The following ECT2L variants were observed in gnomAD, a reference collection of about 807,000 sequenced individuals.
The protein encoded by ECT2L is epithelial cell-transforming sequence 2 oncogene-like.
In ECT2L, 126 loss-of-function variants were observed where a neutral mutation model predicts 122.8. That is an observed-to-expected ratio of 1.03 (90% CI 0.89 to 1.19). ECT2L has a LOEUF of 1.19. Among genes scored for constraint, ECT2L ranks in the 50% most tolerant of loss-of-function variants. The pLI is 0.00. For missense variants in ECT2L, 1,012 were observed against 1,064.1 expected (o/e 0.95, Z 0.68); for synonymous variants, 385 against 381.8 (o/e 1.01, Z -0.10).
At position 138,881,052 on chromosome 6, in the gene ECT2L, T is replaced by G; in HGVS notation, c.1761T>G (p.Ile587Met). Residue 587 changes from isoleucine (I) to methionine (M), a missense_variant, in exon 15 of 22, where the codon ATT becomes ATG. By Grantham distance (10) the Ile-to-Met change is conservative. Transcript: ENST00000541398. ...GAAAATACGTGCAGATACTGGAAAT[T>G]GTGAGAGATGTTTATGTCGCACCAC... is the stretch of plus-strand genomic sequence containing the variant. The part of the protein sequence containing the change: ...SERKYVQILE[I>M]VRDVYVAPLK... 6.2e-7 allele frequency: 1 copy of G among 1,614,152 alleles called. No homozygotes were observed. Among genetic ancestry groups the G allele is most frequent in the South Asian group, 1.1e-5 (1 of 91,078 alleles).
chr6:138,891,359 T>G (rs1022116745), intron 20 of ECT2L, among the ~76,000 whole-genome samples: 1 of 152,204 alleles, frequency 6.6e-6, no homozygotes, highest in Non-Finnish European at 1.5e-5. Context: ...TTTCCAGGTC[T>G]TTTCCTGATC....
intron 13 of ECT2L, among the ~76,000 whole-genome samples, chr6:138,873,543 C>T (rs912719307): frequency 1.1e-4 from 16 of 152,356 alleles, no homozygotes; most frequent in Non-Finnish European, 1.5e-4. Flanking sequence ...CCTGTAATCC[C>T]GGCACTTTGG....
At chr6:138,878,277 GT>G (rs1778524319) in intron 14 of ECT2L, among the ~76,000 whole-genome samples, 1 of 149,660 alleles carries the variant, frequency 6.7e-6, no homozygotes, top group Non-Finnish European at 1.5e-5. Context: ...ATTGAACAAG[GT>G]ATGCAAGGAT....
At chr6:138,824,893 C>A (rs922828562) in intron 4 of ECT2L, among the ~76,000 whole-genome samples, 35 of 152,202 alleles carry the variant, frequency 2.3e-4, no homozygotes. Flanking sequence ...CTGGCTCCAC[C>A]CCCCGGAACC....
intron 11 of ECT2L, among the ~76,000 whole-genome samples, chr6:138,864,730 G>GT (rs766354219): frequency 9.9e-5 from 15 of 152,052 alleles, no homozygotes; most frequent in South Asian, 2.1e-4. Context: ...TCCAGCAGCT[G>GT]TTTTTTTTCT....
chr6:138,894,459 T>C (rs976412740), intron 20 of ECT2L, among the ~76,000 whole-genome samples: 8 of 152,326 alleles, frequency 5.3e-5, no homozygotes, highest in African/African-American at 1.9e-4. Context: ...ACTTTGAAGA[T>C]TTAGGATAAT....
chr6:138,848,814 C>A (rs556801101), intron 8 of ECT2L, among the ~76,000 whole-genome samples: 1 of 152,276 alleles, frequency 6.6e-6, no homozygotes, highest in African/African-American at 2.4e-5. Context: ...CCACCACACC[C>A]ACCTAATTTT....
intron 14 of ECT2L, among the ~76,000 whole-genome samples, chr6:138,879,592 A>T (rs990343164): frequency 4.6e-5 from 7 of 152,312 alleles, no homozygotes; most frequent in African/African-American, 1.4e-4. Context: ...CCATATAAAC[A>T]TAGCACACAC....
At chr6:138,883,010 T>G in intron 16 of ECT2L, 139 bp downstream of exon 16, 4 of 917,330 alleles carry the variant, frequency 4.4e-6, no homozygotes, top group Non-Finnish European at 6.4e-6. Context: ...GTGTGATCTC[T>G]GAGGACAGGA....
intron 11 of ECT2L, among the ~76,000 whole-genome samples, chr6:138,863,413 G>C (rs546821225): frequency 9.9e-5 from 15 of 152,166 alleles, no homozygotes; most frequent in Non-Finnish European, 2.2e-4. Context: ...TGTGAAACTG[G>C]TAAGGGAAAA....
intron 14 of ECT2L, among the ~76,000 whole-genome samples, chr6:138,880,195 G>A (rs140618606): frequency 2.0e-4 from 30 of 152,312 alleles, no homozygotes; most frequent in African/African-American, 5.5e-4. Flanking sequence ...TGCTGCTGCA[G>A]TAGAATACCT....
At chr6:138,888,061 TG>T (rs1778888042) in intron 19 of ECT2L, among the ~76,000 whole-genome samples, 1 of 152,214 alleles carries the variant, frequency 6.6e-6, no homozygotes, top group Non-Finnish European at 1.5e-5. Flanking sequence ...AAGTATCAAT[TG>T]ATTAGAAATG....
intron 20 of ECT2L, among the ~76,000 whole-genome samples, chr6:138,899,709 C>T (rs960925898): frequency 6.6e-6 from 1 of 152,120 alleles, no homozygotes; most frequent in East Asian, 1.9e-4. Flanking sequence ...TATATGGACT[C>T]TTCATTGGAG....
chr6:138,849,577 T>G, intron 9 of ECT2L, 143 bp downstream of exon 9: 1 of 788,468 alleles, frequency 1.3e-6, no homozygotes, highest in Non-Finnish European at 1.8e-6. Context: ...GCGAAGCTTT[T>G]TTTTTTTTTT....
At position 138,902,824 on chromosome 6, in the gene ECT2L, T is replaced by C. The variant is rs950647345; in HGVS notation, c.*197T>C. On this transcript the variant is annotated 3_prime_UTR_variant, in exon 22 of 22. Coordinates refer to ENST00000541398, the MANE Select transcript of ECT2L (RefSeq NM_001077706.3). ...CTTATGTAGAATGTATAAGTACATTTTGAGTCCAAAATTTTGAACTACTTC... is the reference window on the plus strand; with the variant it reads ...CTTATGTAGAATGTATAAGTACATTCTGAGTCCAAAATTTTGAACTACTTC... The C allele has an allele frequency of 2.5e-5, 14 of 553,520 alleles. No homozygotes were observed. The highest frequency in any genetic ancestry group is 4.2e-5 in the Non-Finnish European group (14 of 333,346). The allele number at this position is 553,520 out of a possible 1,614,324, so 34.3% of individuals were successfully genotyped here.
intron 1 of ECT2L, among the ~76,000 whole-genome samples, chr6:138,804,376 G>A (rs1775645193): frequency 6.6e-6 from 1 of 152,110 alleles, no homozygotes; most frequent in Non-Finnish European, 1.5e-5. Flanking sequence ...AAGTGTCCCT[G>A]TATACCTGGG....
At chr6:138,805,498 G>A (rs928667837) in intron 1 of ECT2L, among the ~76,000 whole-genome samples, 13 of 152,262 alleles carry the variant, frequency 8.5e-5, no homozygotes, top group African/African-American at 2.4e-4. Context: ...AATAGGAAAC[G>A]TGTTATTTTT....
chr6:138,846,154 G>A (rs1351427796), intron 7 of ECT2L, among the ~76,000 whole-genome samples: 5 of 152,176 alleles, frequency 3.3e-5, no homozygotes, highest in Non-Finnish European at 1.5e-5. Flanking sequence ...GAGGGTGGCT[G>A]TGGAGAGAAT....
intron 4 of ECT2L, among the ~76,000 whole-genome samples, chr6:138,828,244 TCTTA>T (rs1776523320): frequency 6.6e-6 from 1 of 152,222 alleles, no homozygotes; most frequent in Non-Finnish European, 1.5e-5. Flanking sequence ...CCTCATAACT[TCTTA>T]CTTTTAAAAT....
Sources: gnomAD v4.1 joint callset for allele counts (sites outside exome capture counted in the v4.1 genomes callset) on GRCh38, gnomAD v4.1.1 for gene constraint, MANE v1.5 for transcripts, NCBI Gene and HGNC (gene_info 2026-07-23, HGNC 2026-07-21) for gene names.